TG: variants seen among roughly 807,000 people sequenced by gnomAD.
TG encodes thyroglobulin.
A neutral mutation model predicts 324.7 loss-of-function variants in TG; 270 were observed. The ratio of observed to expected loss-of-function variants is 0.83; its 90% CI spans 0.75 to 0.92. TG has a LOEUF of 0.92. TG is among the 40% of genes least tolerant of loss of function. The pLI, the probability that TG is intolerant of heterozygous loss-of-function variation, is 0.00. For synonymous variants in TG, 1,401 were observed against 1,327.0 expected, an observed-to-expected ratio of 1.06 and a Z score of -1.21; for missense variants, 3,591 against 3,456.4, an observed-to-expected ratio of 1.04 and a Z score of -0.98.
intron 25 of TG, among the ~76,000 whole-genome samples, chr8:132,937,134 C>G (rs1823724591): frequency 6.6e-6 from 1 of 152,140 alleles, no homozygotes; most frequent in Admixed American, 6.5e-5. Flanking sequence ...TTCCTGAGGG[C>G]CCGAGGCCAT....
intron 24 of TG, 143 bp from the exon 25 acceptor site, chr8:132,935,613 C>T (rs1411902641): frequency 4.0e-5 from 29 of 725,174 alleles, no homozygotes; most frequent in Non-Finnish European, 6.4e-5. Context: ...ACTGCTTACA[C>T]ATCTGTCTCC....
intron 45 of TG, among the ~76,000 whole-genome samples, chr8:133,121,727 C>T (rs760792349): frequency 1.7e-4 from 26 of 152,072 alleles, no homozygotes; most frequent in Non-Finnish European, 3.1e-4. Flanking sequence ...AAGGTTGTGA[C>T]GATCATTAAT....
At chr8:133,084,078 G>A (rs1165499909) in intron 41 of TG, among the ~76,000 whole-genome samples, 2 of 152,152 alleles carry the variant, frequency 1.3e-5, no homozygotes, top group African/African-American at 2.4e-5. Flanking sequence ...TGCATGCATT[G>A]TGTTTTCTAG....
chr8:133,006,296 A>G (rs1198433138), intron 35 of TG, among the ~76,000 whole-genome samples: 1 of 152,202 alleles, frequency 6.6e-6, no homozygotes, highest in Non-Finnish European at 1.5e-5. Flanking sequence ...TATCTTAGAG[A>G]CCACAGTCAT....
At chr8:132,892,280 G>A (rs147555554) in intron 10 of TG, among the ~76,000 whole-genome samples, 2 of 152,236 alleles carry the variant, frequency 1.3e-5, no homozygotes, top group Non-Finnish European at 2.9e-5. Context: ...TCCTTCATTA[G>A]AGACAGCTAG....
chr8:133,097,866 T>C (rs1054909331), intron 43 of TG, among the ~76,000 whole-genome samples: 3 of 152,178 alleles, frequency 2.0e-5, no homozygotes, highest in African/African-American at 7.2e-5. Flanking sequence ...GAGGTTTGCA[T>C]GTGAAGTTGA....
At chr8:133,117,605 C>A (rs1017794938) in intron 45 of TG, among the ~76,000 whole-genome samples, 13 of 152,258 alleles carry the variant, frequency 8.5e-5, no homozygotes, top group African/African-American at 2.7e-4. Flanking sequence ...TTTGGCAAGA[C>A]AATCTACTCC....
intron 35 of TG, among the ~76,000 whole-genome samples, chr8:133,000,723 G>A (rs1484644847): frequency 6.6e-6 from 1 of 152,214 alleles, no homozygotes; most frequent in Non-Finnish European, 1.5e-5. Flanking sequence ...GCATGCGATA[G>A]GGTGGGAAGT....
At position 132,919,362 on chromosome 8, in the gene TG, C is replaced by T; in HGVS notation, c.4379-14C>T. 6.2e-7 allele frequency: 1 copy of T among 1,613,198 alleles called. No homozygotes were observed. ...TGTCTTGATTTTTAACATCATTTCT[C>T]TGTTTTTTTCTAGTTAAGTGTCCTG... On this transcript the variant is annotated splice_polypyrimidine_tract_variant and intron_variant, in intron 20 of 47. Coordinates refer to ENST00000220616, the MANE Select transcript of TG (RefSeq NM_003235.5).
chr8:132,963,078 C>G lies in TG; in HGVS notation c.5548+4C>G, dbSNP rs1400918915. ...CCAGCATCTCCAACAGAAGCAGGTA[C>G]TGACCCCCAAACCTTCTTACACACT... On this transcript the variant is annotated splice_donor_region_variant and intron_variant, in intron 29 of 47. Coordinates refer to ENST00000220616, the MANE Select transcript of TG (RefSeq NM_003235.5). 6.2e-7 allele frequency: 1 copy of G among 1,613,880 alleles called. No individual in the cohort carries two copies. Among genetic ancestry groups the G allele is most frequent in the Non-Finnish European group, 8.5e-7 (1 of 1,179,866 alleles).
Position 133,075,054 on chromosome 8 carries a change from G to A in TG, c.7240-19990G>A, listed in dbSNP as rs536794756. The A allele has an allele frequency of 3.1e-5, 31 of 985,446 alleles. No individual in the cohort carries two copies. The East Asian group carries it at 5.7e-4, about 18-fold the overall frequency. The allele number at this position is 985,446 out of a possible 1,614,324, so 61.0% of individuals were successfully genotyped here. A position where few individuals can be genotyped will look rare whatever the true frequency, so the allele number is the denominator to read the frequency against. On this transcript the variant is annotated intron_variant, in intron 41 of 47. Transcript: ENST00000220616. ...GCCGCATACTTCCTCTGCTAGGAAC[G>A]AGGAAGGCACAGGGCTTGCAGAAGG...
At chr8:132,898,371 G>T in intron 13 of TG, 125 bp downstream of exon 13, 2 of 945,696 alleles carry the variant, frequency 2.1e-6, no homozygotes, top group Non-Finnish European at 3.3e-6. Flanking sequence ...CCCGGGTGCA[G>T]CCAGACGCAT....
chr8:132,921,614 G>C (rs1355142453), intron 21 of TG, among the ~76,000 whole-genome samples: 2 of 152,140 alleles, frequency 1.3e-5, no homozygotes, highest in Non-Finnish European at 2.9e-5. Flanking sequence ...TTTGGTGTTA[G>C]GTTAGCTTTT....
chr8:132,980,169 T>C (rs1317026555), intron 34 of TG, among the ~76,000 whole-genome samples: 1 of 152,090 alleles, frequency 6.6e-6, no homozygotes, highest in Non-Finnish European at 1.5e-5. Flanking sequence ...TCTAATAAGA[T>C]GACTGGTGGC....
intron 41 of TG, chr8:133,076,094 C>T (rs1354236908): frequency 1.3e-5 from 2 of 152,194 alleles, no homozygotes; most frequent in African/African-American, 2.4e-5. Flanking sequence ...GGAATGCTGA[C>T]CCCAAGATTG....
chr8:133,021,010 C>T (rs1269742611), intron 39 of TG, among the ~76,000 whole-genome samples: 1 of 152,162 alleles, frequency 6.6e-6, no homozygotes, highest in African/African-American at 2.4e-5. Flanking sequence ...TACCCCATGG[C>T]CTGAACTGGG....
chr8:133,037,420 T>C (rs946389389), intron 41 of TG: 1 of 152,122 alleles, frequency 6.6e-6, no homozygotes, highest in African/African-American at 2.4e-5. Flanking sequence ...TTAGACTGTA[T>C]CCATTTCTTT....
At position 133,004,935 on chromosome 8, in the gene TG, A is replaced by G. The variant is rs771005623; in HGVS notation, c.6263-6966A>G. Among the ~76,000 whole-genome samples the G allele has an allele frequency of 9.2e-5, 14 of 152,278 alleles. No individual in the cohort carries two copies. The East Asian group carries it at 1.7e-3, about 19-fold the overall frequency. ...GCCAGAACCAGGTGGAAAAGAAAAGACAGTTCCTAGAGGGGCTGAGCATGT... is the reference window on the plus strand; with the variant it reads ...GCCAGAACCAGGTGGAAAAGAAAAGGCAGTTCCTAGAGGGGCTGAGCATGT... On this transcript the variant is annotated intron_variant, in intron 35 of 47. Transcript: ENST00000220616.
At chr8:132,900,899 G>A (rs952474176) in intron 15 of TG, among the ~76,000 whole-genome samples, 3 of 152,116 alleles carry the variant, frequency 2.0e-5, no homozygotes, top group Non-Finnish European at 4.4e-5. Context: ...AAAGGAAGAC[G>A]CTTTCTTCCA....
Sources: gnomAD v4.1 joint callset for allele counts (sites outside exome capture counted in the v4.1 genomes callset) on GRCh38, gnomAD v4.1.1 for gene constraint, MANE v1.5 for transcripts, NCBI Gene and HGNC (gene_info 2026-07-23, HGNC 2026-07-21) for gene names.